Variants in CEPT1 observed in about 807,000 individuals in gnomAD.
The protein encoded by CEPT1 is choline/ethanolaminephosphotransferase 1.
Under a neutral mutation model 42.6 loss-of-function variants are expected in CEPT1, and 7 were observed. The observed-to-expected ratio is 0.16, with a 90% confidence interval of 0.09 to 0.31. The LOEUF (loss-of-function observed/expected upper bound fraction) is 0.31, where lower values mean the gene tolerates loss of function less well. Ranked by LOEUF, CEPT1 falls within the 10% of genes least tolerant of loss-of-function variation. The pLI, the probability that CEPT1 is intolerant of heterozygous loss-of-function variation, is 1.00. For synonymous variants in CEPT1, 171 were observed against 171.9 expected (o/e 0.99, Z 0.04); for missense variants, 306 against 502.1 (o/e 0.61, Z 3.73).
At chr1:111,167,107 T>A (rs1020509413) in intron 4 of CEPT1, 13 of 985,004 alleles carry the variant, frequency 1.3e-5, no homozygotes, top group African/African-American at 1.7e-5. Context: ...TATGCATAGA[T>A]TCGATGTTAC....
At chr1:111,173,296 A>T (rs1656512017) in intron 4 of CEPT1, 1 of 147,014 alleles carries the variant, frequency 6.8e-6, no homozygotes. Flanking sequence ...AATTCAGTCC[A>T]TTTTTTTTTT....
At chr1:111,142,533 G>A (rs541846828) in intron 1 of CEPT1, among the ~76,000 whole-genome samples, 3 of 152,248 alleles carry the variant, frequency 2.0e-5, no homozygotes, top group African/African-American at 4.8e-5. Flanking sequence ...GCACATGCTC[G>A]TAATCCTAGC....
At chr1:111,146,252 A>T (rs1043153548) in intron 1 of CEPT1, among the ~76,000 whole-genome samples, 1 of 151,476 alleles carries the variant, frequency 6.6e-6, no homozygotes, top group Admixed American at 6.6e-5. Flanking sequence ...TGAACTTCTC[A>T]CTCTTACCAA....
intron 1 of CEPT1, chr1:111,140,615 G>C (rs1654424178): frequency 6.5e-6 from 1 of 152,686 alleles, no homozygotes; most frequent in African/African-American, 2.4e-5. Context: ...CAAGGTAGGG[G>C]TGGGAAGAAC....
At position 111,148,041 on chromosome 1, in the gene CEPT1, A is replaced by C; in HGVS notation, c.327A>C (p.Thr109=). 1 of 1,613,174 alleles carries C rather than the reference A, an allele frequency of 6.2e-7. No individual in the cohort carries two copies. Among genetic ancestry groups the C allele is most frequent in the Non-Finnish European group, 8.5e-7 (1 of 1,179,078 alleles). Residue 109 remains threonine, a synonymous_variant, in exon 2 of 9, where the codon ACA becomes ACC. Coordinates refer to ENST00000357172, the MANE Select transcript of CEPT1 (RefSeq NM_006090.5). ...TTTTATTAGTCTTCTACTGCCCTAC[A>C]GCTACAGAGCAGGTAAGAGTTTCTT... The part of the protein sequence containing the change: ...TTILLVFYCP[T]ATEQAPLWAY...
chr1:111,181,741 A>G (rs1466781985), intron 5 of CEPT1: 1 of 152,326 alleles, frequency 6.6e-6, no homozygotes, highest in Non-Finnish European at 1.5e-5. Context: ...TAGTCGCAAC[A>G]TTTCTATTAT....
Position 111,159,237 on chromosome 1 carries a change from T to G in CEPT1, c.340-143T>G, listed in dbSNP as rs1273171168. On this transcript the variant is annotated intron_variant, in intron 2 of 8. Coordinates refer to ENST00000357172, the MANE Select transcript of CEPT1 (RefSeq NM_006090.5). ...GCATTCTTTTACAATTCTAATTGTT[T>G]CAGTGAGTTCTTCATTATGTAGCAC... The G allele has an allele frequency of 4.0e-6, 3 of 745,152 alleles. No individual in the cohort carries two copies. The Admixed American group carries it at 8.9e-5, about 22-fold the overall frequency. 46.2% of individuals were successfully genotyped at this position (745,152 alleles called of 1,614,324 possible).
At chr1:111,167,863 T>G (rs1571143426) in intron 4 of CEPT1, 1 of 674,696 alleles carries the variant, frequency 1.5e-6, no homozygotes, top group Admixed American at 6.3e-5. Context: ...ATTTCTCTAA[T>G]GTACTGCTAA....
At chr1:111,182,731 C>T in intron 6 of CEPT1, 68 bp from the exon 7 acceptor site, 1 of 1,399,466 alleles carries the variant, frequency 7.1e-7, no homozygotes, top group Non-Finnish European at 9.7e-7. Context: ...GTGAACTGTT[C>T]TGCAGCAGAT....
chr1:111,175,423 G>A (rs867315974), intron 5 of CEPT1, among the ~76,000 whole-genome samples: 5 of 152,130 alleles, frequency 3.3e-5, no homozygotes, highest in Non-Finnish European at 5.9e-5. Flanking sequence ...TTGTTTGAAC[G>A]AGCTTGGACC....
rs1654739645 is a variant in CEPT1, at chr1:111,142,932, C to T, written c.-74+2625C>T. 2.0e-5 allele frequency among the ~76,000 whole-genome samples: 3 copies of T among 152,166 alleles called. No individual in the cohort carries two copies. The South Asian group carries it at 6.2e-4, about 31-fold the overall frequency. On this transcript the variant is annotated intron_variant, in intron 1 of 8. Coordinates refer to ENST00000357172, the MANE Select transcript of CEPT1 (RefSeq NM_006090.5). Reference sequence around the variant, plus strand: ...GGCTACAATAGCTATAGGACTGTGACAGTATTATAGGACTTTGACAGTATT... The same window carrying T: ...GGCTACAATAGCTATAGGACTGTGATAGTATTATAGGACTTTGACAGTATT...
chr1:111,147,725 A>G lies in CEPT1; in HGVS notation c.11A>G (p.His4Arg), dbSNP rs1231261814. The G allele has an allele frequency of 6.2e-7, 1 of 1,607,628 alleles. No homozygotes were observed. ...AAAAAAACAAGATCCATGAGTGGGCATCGATCAACAAGGAAAAGATGTGGA... is the reference window on the plus strand; with the variant it reads ...AAAAAAACAAGATCCATGAGTGGGCGTCGATCAACAAGGAAAAGATGTGGA... MSG[H>R]RSTRKRCGDS... The change falls in exon 2 of 9, where the codon CAT (histidine) becomes CGT (arginine). Residue 4 changes from histidine to arginine, a missense_variant. By Grantham distance (29) the His-to-Arg change is conservative (BLOSUM62 0). Around this residue, in one of 2 missense-constraint regions of CEPT1, gnomAD observed 53 missense variants for 54.8 expected, o/e 0.97. Transcript: ENST00000357172.
chr1:111,149,814 A>G (rs565660043), intron 2 of CEPT1, among the ~76,000 whole-genome samples: 1 of 152,356 alleles, frequency 6.6e-6, no homozygotes, highest in South Asian at 2.1e-4. Flanking sequence ...AACTAGTTCT[A>G]GGATGGGGAT....
At position 111,148,371 on chromosome 1, in the gene CEPT1, T is replaced by C. The variant is rs925474928; in HGVS notation, c.339+318T>C. On this transcript the variant is annotated intron_variant, in intron 2 of 8. Coordinates refer to ENST00000357172, the MANE Select transcript of CEPT1 (RefSeq NM_006090.5). Reference sequence around the variant, plus strand: ...TTTTTTTAAATGGTAGAATAAAGTCTTAGCAAAAAAAAAAAAAACAGTGAG... The same window carrying C: ...TTTTTTTAAATGGTAGAATAAAGTCCTAGCAAAAAAAAAAAAAACAGTGAG... Among the ~76,000 whole-genome samples the C allele has an allele frequency of 1.6e-3, 240 of 148,832 alleles. 1 individual carries two copies. The highest frequency in any genetic ancestry group is 5.8e-3 in the African/African-American group (231 of 39,662).
At chr1:111,144,841 T>C (rs1654866547) in intron 1 of CEPT1, among the ~76,000 whole-genome samples, 1 of 152,208 alleles carries the variant, frequency 6.6e-6, no homozygotes, top group African/African-American at 2.4e-5. Flanking sequence ...AAGCTAAGTG[T>C]ATTCGTGGTT....
chr1:111,169,641 T>TGGA (rs1341433531), intron 4 of CEPT1, among the ~76,000 whole-genome samples: 1 of 152,242 alleles, frequency 6.6e-6, no homozygotes, highest in African/African-American at 2.4e-5. Context: ...CTTTTGCTTT[T>TGGA]AATACTTATT....
At chr1:111,157,117 C>T (rs1655613898) in intron 2 of CEPT1, among the ~76,000 whole-genome samples, 1 of 152,006 alleles carries the variant, frequency 6.6e-6, no homozygotes, top group Non-Finnish European at 1.5e-5. Context: ...ATAATGTGCA[C>T]AAGGAAGAAG....
chr1:111,169,449 G>A (rs540685841), intron 4 of CEPT1, among the ~76,000 whole-genome samples: 50 of 152,006 alleles, frequency 3.3e-4, no homozygotes, highest in Non-Finnish European at 6.2e-4. Flanking sequence ...CAAAGTACCC[G>A]ATATCTACTT....
At chr1:111,153,475 C>T (rs1571122609) in intron 2 of CEPT1, among the ~76,000 whole-genome samples, 1 of 152,304 alleles carries the variant, frequency 6.6e-6, no homozygotes, top group African/African-American at 2.4e-5. Context: ...TGAGCCACCA[C>T]GCCCTGCTGT....
Sources: allele counts gnomAD v4.1 joint callset (sites outside exome capture counted in the v4.1 genomes callset), GRCh38; gene constraint gnomAD v4.1.1; regional missense constraint gnomAD v4.1.1; transcripts MANE v1.5; gene names NCBI Gene and HGNC (gene_info 2026-07-23, HGNC 2026-07-21).